The following CSMD1 variants were observed in gnomAD, a reference collection of about 807,000 sequenced individuals.
CSMD1 encodes CUB and sushi domain-containing protein 1.
Under a neutral mutation model 417.5 loss-of-function variants are expected in CSMD1, and 213 were observed. The ratio of observed to expected loss-of-function variants is 0.51; its 90% CI spans 0.46 to 0.57. The LOEUF is 0.57. Among genes scored for constraint, CSMD1 ranks in the 20% least tolerant of loss-of-function variants. The pLI, the probability that CSMD1 is intolerant of heterozygous loss-of-function variation, is 0.00. For synonymous variants in CSMD1, 2,862 were observed against 1,736.8 expected, an observed-to-expected ratio of 1.65 and a Z score of -16.11; for missense variants, 6,923 against 4,529.7, an observed-to-expected ratio of 1.53 and a Z score of -15.17.
chr8:4,818,284 T>A (rs1421294785), intron 1 of CSMD1, among the ~76,000 whole-genome samples: 1 of 152,194 alleles, frequency 6.6e-6, no homozygotes, highest in Admixed American at 6.6e-5. Context: ...CGATTTAGTC[T>A]AGAAAAGCTC....
intron 3 of CSMD1, among the ~76,000 whole-genome samples, chr8:4,191,083 A>G (rs543438585): frequency 2.8e-5 from 4 of 144,092 alleles, no homozygotes; most frequent in African/African-American, 1.2e-4. Flanking sequence ...ACATGGATTA[A>G]AATAAAATAA....
chr8:4,205,635 G>A (rs1013045806), intron 3 of CSMD1, among the ~76,000 whole-genome samples: 12 of 152,078 alleles, frequency 7.9e-5, no homozygotes, highest in African/African-American at 2.9e-4. Context: ...CACACAGAGT[G>A]AGAAAGCCTC....
At chr8:4,136,145 A>G (rs1803419176) in intron 3 of CSMD1, among the ~76,000 whole-genome samples, 2 of 152,238 alleles carry the variant, frequency 1.3e-5, no homozygotes, top group African/African-American at 4.8e-5. Flanking sequence ...GAACTGCTAT[A>G]ACTATACTGT....
intron 3 of CSMD1, among the ~76,000 whole-genome samples, chr8:4,162,964 T>C (rs2552091): frequency 6.6e-6 from 1 of 152,178 alleles, no homozygotes; most frequent in Non-Finnish European, 1.5e-5. Flanking sequence ...TTTTCCAAAA[T>C]GCCCTAGAGT....
chr8:4,417,615 A>G (rs1191667856), intron 3 of CSMD1, among the ~76,000 whole-genome samples: 2 of 152,014 alleles, frequency 1.3e-5, no homozygotes, highest in Non-Finnish European at 2.9e-5. Context: ...ATTTTATTCT[A>G]TTATTTGACT....
At chr8:3,784,373 A>G (rs1799333948) in intron 5 of CSMD1, among the ~76,000 whole-genome samples, 1 of 152,214 alleles carries the variant, frequency 6.6e-6, no homozygotes, top group Non-Finnish European at 1.5e-5. Context: ...AAACAATGAG[A>G]AATCACACGA....
intron 23 of CSMD1, among the ~76,000 whole-genome samples, chr8:3,322,687 G>A (rs763293780): frequency 2.0e-5 from 3 of 152,184 alleles, no homozygotes; most frequent in Non-Finnish European, 2.9e-5. Flanking sequence ...GGAGGTGTCA[G>A]ACTTCATGGC....
chr8:4,578,586 G>A (rs1439693916), intron 2 of CSMD1, among the ~76,000 whole-genome samples: 1 of 151,240 alleles, frequency 6.6e-6, no homozygotes, highest in South Asian at 2.1e-4. Flanking sequence ...GGAGGCCAAG[G>A]TGGGCGGTTC....
At chr8:4,734,018 T>A (rs1810065908) in intron 1 of CSMD1, among the ~76,000 whole-genome samples, 1 of 152,238 alleles carries the variant, frequency 6.6e-6, no homozygotes, top group African/African-American at 2.4e-5. Flanking sequence ...GAAGTCCTTC[T>A]TACAAAAATA....
At chr8:4,050,787 C>A (rs535801927) in intron 3 of CSMD1, among the ~76,000 whole-genome samples, 2 of 152,188 alleles carry the variant, frequency 1.3e-5, no homozygotes, top group South Asian at 2.1e-4. Flanking sequence ...AATTCAGAGT[C>A]CCTGAAACGG....
At chr8:3,679,082 C>T (rs952108246) in intron 7 of CSMD1, among the ~76,000 whole-genome samples, 10 of 152,010 alleles carry the variant, frequency 6.6e-5, no homozygotes, top group African/African-American at 1.7e-4. Flanking sequence ...CAAAAACATG[C>T]CAAATTGTAA....
intron 41 of CSMD1, among the ~76,000 whole-genome samples, chr8:3,130,502 G>C (rs989587593): frequency 9.2e-5 from 14 of 151,704 alleles, no homozygotes; most frequent in African/African-American, 3.4e-4. Flanking sequence ...TCATTTGCTT[G>C]AGCTTCTTCA....
At chr8:4,584,109 C>T (rs1455794593) in intron 2 of CSMD1, among the ~76,000 whole-genome samples, 1 of 152,072 alleles carries the variant, frequency 6.6e-6, no homozygotes, top group Non-Finnish European at 1.5e-5. Context: ...AAGGAAGAAA[C>T]TCTGAACACA....
At chr8:3,776,036 T>A (rs1798869089) in intron 5 of CSMD1, among the ~76,000 whole-genome samples, 1 of 152,234 alleles carries the variant, frequency 6.6e-6, no homozygotes, top group Non-Finnish European at 1.5e-5. Flanking sequence ...CTATTCCATG[T>A]GCTGGAGCCA....
chr8:3,669,720 A>T (rs920109073), intron 7 of CSMD1, among the ~76,000 whole-genome samples: 4 of 152,066 alleles, frequency 2.6e-5, no homozygotes, highest in African/African-American at 9.7e-5. Context: ...TACAAAGAGG[A>T]AGGCCAGGAG....
chr8:4,283,162 C>T (rs1056519830), intron 3 of CSMD1, among the ~76,000 whole-genome samples: 6 of 152,076 alleles, frequency 3.9e-5, no homozygotes, highest in Non-Finnish European at 7.4e-5. Context: ...TGTGAAGGTA[C>T]GTTGAGAGTC....
chr8:4,695,807 T>C (rs770987924), intron 1 of CSMD1, among the ~76,000 whole-genome samples: 28 of 152,244 alleles, frequency 1.8e-4, no homozygotes, highest in Non-Finnish European at 4.0e-4. Context: ...AGAATATTTT[T>C]ACCTGGGCAA....
intron 1 of CSMD1, among the ~76,000 whole-genome samples, chr8:4,902,805 G>C (rs1477676019): frequency 6.6e-6 from 1 of 151,862 alleles, no homozygotes; most frequent in Non-Finnish European, 1.5e-5. Flanking sequence ...AGGTTCATGT[G>C]TATCCTTTTC....
intron 11 of CSMD1, among the ~76,000 whole-genome samples, chr8:3,488,791 A>T (rs1818203788): frequency 6.6e-6 from 1 of 152,200 alleles, no homozygotes; most frequent in Non-Finnish European, 1.5e-5. Context: ...CTATACTGTC[A>T]CTGGCATTCA....
Sources: allele counts gnomAD v4.1 joint callset (sites outside exome capture counted in the v4.1 genomes callset), GRCh38; gene constraint gnomAD v4.1.1; transcripts MANE v1.5; gene names NCBI Gene and HGNC (gene_info 2026-07-23, HGNC 2026-07-21).